The following PAX5 variants were observed in gnomAD, a reference collection of about 807,000 sequenced individuals.
PAX5 encodes paired box 5, also known as paired box protein Pax-5.
A neutral mutation model predicts 43.7 loss-of-function variants in PAX5; 9 were observed. That is an observed-to-expected ratio of 0.21 (90% CI 0.12 to 0.36). PAX5 has a LOEUF of 0.36. Ranked by LOEUF, PAX5 falls within the 10% of genes least tolerant of loss-of-function variation. PAX5 has a pLI of 1.00. For synonymous variants in PAX5, 228 were observed against 214.3 expected (o/e 1.06, Z -0.56); for missense variants, 383 against 532.7 (o/e 0.72, Z 2.77).
chr9:36,888,660 G>A (rs1286693758), intron 7 of PAX5, among the ~76,000 whole-genome samples: 1 of 152,248 alleles, frequency 6.6e-6, no homozygotes, highest in Non-Finnish European at 1.5e-5. Context: ...AAGATATAAA[G>A]TCTCAGGCTG....
chr9:36,850,132 AGAAC>A (rs1011046884), intron 8 of PAX5, among the ~76,000 whole-genome samples: 100 of 152,368 alleles, frequency 6.6e-4, no homozygotes, highest in African/African-American at 2.3e-3. Context: ...GGGGCTGGGC[AGAAC>A]GTGGCCCCTG....
chr9:36,837,906 T>C lies in PAX5; in HGVS notation c.*2654A>G, dbSNP rs554821959. 6.4e-5 allele frequency: 15 copies of C among 233,064 alleles called. No homozygotes were observed. The highest frequency in any genetic ancestry group is 1.3e-4 in the Non-Finnish European group (15 of 118,052). 14.4% of individuals were successfully genotyped at this position (233,064 alleles called of 1,614,324 possible). ...GCAGCTGGTTCAGGGGAGGCTGACC[T>C]CCTCCCAACAGCCTGGAACCACAAG... On this transcript the variant is annotated 3_prime_UTR_variant, in exon 10 of 10. Coordinates refer to ENST00000358127, the MANE Select transcript of PAX5 (RefSeq NM_016734.3).
At chr9:36,909,490 G>A (rs749542722) in intron 7 of PAX5, among the ~76,000 whole-genome samples, 16 of 152,260 alleles carry the variant, frequency 1.1e-4, no homozygotes, top group Admixed American at 2.0e-4. Flanking sequence ...CTGAAGTCAG[G>A]GACAGGTAAG....
chr9:36,870,483 T>C (rs571263689), intron 8 of PAX5, among the ~76,000 whole-genome samples: 7 of 152,352 alleles, frequency 4.6e-5, no homozygotes, highest in African/African-American at 9.6e-5. Context: ...CAAAATCTAA[T>C]CTAAAAATGG....
rs1821620069 is a variant in PAX5, at chr9:36,836,047, G to A, written c.*4513C>T. 1.3e-5 allele frequency: 3 copies of A among 233,636 alleles called. No individual in the cohort carries two copies. The highest frequency in any genetic ancestry group is 3.6e-4 in the South Asian group (2 of 5,540). 14.5% of individuals were successfully genotyped at this position (233,636 alleles called of 1,614,324 possible). Reference sequence around the variant, plus strand: ...TTCTGGCTGAATGTCATGAGGAGGGGGTGGCTGGAGCCACTGGCTGCCAAG... The same window carrying A: ...TTCTGGCTGAATGTCATGAGGAGGGAGTGGCTGGAGCCACTGGCTGCCAAG... On this transcript the variant is annotated 3_prime_UTR_variant, in exon 10 of 10. Coordinates refer to ENST00000358127, the MANE Select transcript of PAX5 (RefSeq NM_016734.3).
chr9:36,930,180 T>G (rs1004577117), intron 6 of PAX5, among the ~76,000 whole-genome samples: 4 of 149,076 alleles, frequency 2.7e-5, no homozygotes, highest in Non-Finnish European at 4.4e-5. Context: ...TTTCCCAACA[T>G]AGAAAAACTG....
Position 36,837,767 on chromosome 9 carries a change from G to A in PAX5, c.*2793C>T, listed in dbSNP as rs547656393. 8.6e-6 allele frequency: 2 copies of A among 233,448 alleles called. No homozygotes were observed. The highest frequency in any genetic ancestry group is 5.6e-5 in the Admixed American group (1 of 17,802). The allele number at this position is 233,448 out of a possible 1,614,324, so 14.5% of individuals were successfully genotyped here. On this transcript the variant is annotated 3_prime_UTR_variant, in exon 10 of 10. Transcript: ENST00000358127. ...TGAGGACCAGCAAAGCCTCAGGTGA[G>A]GGAGGAAAGGTATGGGGGGAGCTCA...
chr9:36,910,473 T>C (rs994177384), intron 7 of PAX5, among the ~76,000 whole-genome samples: 4 of 152,230 alleles, frequency 2.6e-5, no homozygotes, highest in Non-Finnish European at 5.9e-5. Context: ...TTGGGGTGTA[T>C]CTCCTCTGGT....
intron 6 of PAX5, among the ~76,000 whole-genome samples, chr9:36,950,946 C>T (rs778798060): frequency 3.3e-5 from 5 of 152,054 alleles, no homozygotes; most frequent in East Asian, 1.9e-4. Flanking sequence ...TTCACCATCT[C>T]GAGACCAAGC....
chr9:37,015,337 A>G lies in PAX5; in HGVS notation c.213-143T>C. 3.0e-6 allele frequency: 2 copies of G among 670,374 alleles called. No homozygotes were observed. The highest frequency in any genetic ancestry group is 4.1e-5 in the South Asian group (2 of 49,062). The allele number at this position is 670,374 out of a possible 1,614,324, so 41.5% of individuals were successfully genotyped here. A position where few individuals can be genotyped will look rare whatever the true frequency, so the allele number is the denominator to read the frequency against. On this transcript the variant is annotated intron_variant, in intron 2 of 9. Transcript: ENST00000358127. The surrounding 1 kb of genome is among the most constrained non-coding windows in gnomAD (Gnocchi z 4.4). ...GCCACCAGCCAGATGCGGCTTTTGA[A>G]CATTTGAAATATGGCTAGTCTGAAT... is the stretch of plus-strand genomic sequence containing the variant.
chr9:36,911,625 C>T (rs756018031), intron 7 of PAX5, among the ~76,000 whole-genome samples: 23 of 152,318 alleles, frequency 1.5e-4, no homozygotes, highest in Admixed American at 6.5e-4. Context: ...TGTATTTTTG[C>T]TTTCATTATT....
chr9:37,020,237 T>C (rs1253521112), intron 2 of PAX5, among the ~76,000 whole-genome samples: 1 of 152,148 alleles, frequency 6.6e-6, no homozygotes, highest in Non-Finnish European at 1.5e-5. Flanking sequence ...AAATAACAGC[T>C]GACTTTTAAA....
At chr9:36,994,004 G>A (rs529781441) in intron 5 of PAX5, among the ~76,000 whole-genome samples, 22 of 152,286 alleles carry the variant, frequency 1.4e-4, no homozygotes, top group Admixed American at 1.4e-3. Flanking sequence ...GTTCAGCGGC[G>A]TTGGCTCTCA....
At chr9:36,987,089 A>G (rs969347800) in intron 5 of PAX5, among the ~76,000 whole-genome samples, 2 of 152,204 alleles carry the variant, frequency 1.3e-5, no homozygotes, top group Non-Finnish European at 2.9e-5. Context: ...ACTTCTACAG[A>G]GGAGCGAAGT....
At chr9:36,983,893 C>T in intron 5 of PAX5, among the ~76,000 whole-genome samples, 1 of 152,262 alleles carries the variant, frequency 6.6e-6, no homozygotes, top group East Asian at 1.9e-4. Flanking sequence ...GGGTATAGCT[C>T]TAGAGAGAAA....
intron 6 of PAX5, among the ~76,000 whole-genome samples, chr9:36,930,550 A>G (rs762602422): frequency 2.6e-5 from 4 of 152,110 alleles, no homozygotes; most frequent in Non-Finnish European, 4.4e-5. Flanking sequence ...TATCTGCATC[A>G]TTGATAGCCT....
chr9:37,007,639 G>T (rs912575213), intron 3 of PAX5: 1 of 152,172 alleles, frequency 6.6e-6, no homozygotes, highest in South Asian at 2.1e-4. Context: ...CTTTGGAAAA[G>T]TTATATTCCA....
At chr9:36,972,529 G>A (rs1047399278) in intron 5 of PAX5, among the ~76,000 whole-genome samples, 2 of 152,184 alleles carry the variant, frequency 1.3e-5, no homozygotes, top group African/African-American at 4.8e-5. Context: ...TTGTTGTGCA[G>A]TCTTTATAGG....
At chr9:36,952,112 A>G (rs1833052208) in intron 6 of PAX5, among the ~76,000 whole-genome samples, 1 of 151,720 alleles carries the variant, frequency 6.6e-6, no homozygotes, top group Non-Finnish European at 1.5e-5. Context: ...TTGTTCATTT[A>G]TCTATGTATT....
Sources: allele counts gnomAD v4.1 joint callset (sites outside exome capture counted in the v4.1 genomes callset), GRCh38; gene constraint gnomAD v4.1.1; non-coding constraint Gnocchi (gnomAD v3.1); transcripts MANE v1.5; gene names NCBI Gene and HGNC (gene_info 2026-07-23, HGNC 2026-07-21).